Variants in TMEM87A observed in about 807,000 individuals in gnomAD.
TMEM87A encodes the protein Golgi-pH regulating cation channel.
A neutral mutation model predicts 90.0 loss-of-function variants in TMEM87A; 50 were observed. That is an observed-to-expected ratio of 0.56 (90% CI 0.44 to 0.70). The LOEUF (loss-of-function observed/expected upper bound fraction) is 0.70. TMEM87A is among the 30% of genes least tolerant of loss of function. The probability of loss-of-function intolerance (pLI) is 0.00; values close to 1 mark genes in which losing one functional copy is unlikely to be tolerated. For missense variants in TMEM87A, 577 were observed against 660.5 expected (o/e 0.87, Z 1.39); for synonymous variants, 226 against 226.7 (o/e 1.00, Z 0.03).
intron 14 of TMEM87A, chr15:42,227,504 G>C (rs2050615990): frequency 2.1e-6 from 1 of 465,754 alleles, no homozygotes; most frequent in African/African-American, 2.0e-5. Flanking sequence ...GGAGAATACA[G>C]TCAGAAAAAA....
intron 6 of TMEM87A, among the ~76,000 whole-genome samples, chr15:42,254,923 G>A (rs1428088101): frequency 6.6e-6 from 1 of 151,694 alleles, no homozygotes; most frequent in African/African-American, 2.4e-5. Flanking sequence ...CGATGGGGGA[G>A]GCTAAGTGTA....
chr15:42,219,903 A>C (rs2050443919), intron 16 of TMEM87A, among the ~76,000 whole-genome samples, 159 bp downstream of exon 16: 1 of 152,152 alleles, frequency 6.6e-6, no homozygotes, highest in Non-Finnish European at 1.5e-5. Flanking sequence ...TACTTACTGA[A>C]TTTACCATGC....
chr15:42,272,629 A>AG (rs2051562370), intron 1 of TMEM87A: 1 of 274,770 alleles, frequency 3.6e-6, no homozygotes, highest in African/African-American at 2.2e-5. Context: ...AGGGGCAGAA[A>AG]GGGTCAACCC....
chr15:42,218,970 T>A (rs1258984649), intron 17 of TMEM87A: 13 of 152,968 alleles, frequency 8.5e-5, no homozygotes, highest in African/African-American at 3.1e-4. Flanking sequence ...CTATTTTTAA[T>A]TTTGAGGAAG....
intron 7 of TMEM87A, among the ~76,000 whole-genome samples, chr15:42,240,614 T>G (rs1476763562): frequency 6.6e-6 from 1 of 152,196 alleles, no homozygotes; most frequent in Non-Finnish European, 1.5e-5. Context: ...TTTTAAAAAC[T>G]ATTTCAAGAT....
intron 15 of TMEM87A, 52 bp downstream of exon 15, chr15:42,226,754 T>C (rs1293184997): frequency 4.0e-6 from 6 of 1,499,672 alleles, no homozygotes; most frequent in Non-Finnish European, 5.6e-6. Context: ...CCACCCCTAA[T>C]TGATGACATG....
chr15:42,270,146 G>A (rs1251729716), intron 2 of TMEM87A, among the ~76,000 whole-genome samples: 3 of 152,126 alleles, frequency 2.0e-5, no homozygotes, highest in African/African-American at 7.2e-5. Flanking sequence ...AAGGCAGGCA[G>A]ATAACTTGAG....
intron 6 of TMEM87A, among the ~76,000 whole-genome samples, chr15:42,246,698 G>C (rs1346996315): frequency 6.6e-6 from 1 of 152,138 alleles, no homozygotes; most frequent in Non-Finnish European, 1.5e-5. Flanking sequence ...TATCATTGAC[G>C]GACATTTGGG....
chr15:42,245,465 T>A, intron 6 of TMEM87A, among the ~76,000 whole-genome samples: 2 of 152,158 alleles, frequency 1.3e-5, no homozygotes, highest in South Asian at 4.1e-4. Flanking sequence ...ATTCTGACCC[T>A]GTAAAAATAA....
At chr15:42,250,641 C>G (rs540493521) in intron 6 of TMEM87A, among the ~76,000 whole-genome samples, 109 of 152,298 alleles carry the variant, frequency 7.2e-4, no homozygotes, top group Non-Finnish European at 8.1e-4. Context: ...TGTGGGTAAC[C>G]CGACCTTTCT....
intron 13 of TMEM87A, among the ~76,000 whole-genome samples, chr15:42,228,464 G>T (rs2050633700): frequency 6.6e-6 from 1 of 152,178 alleles, no homozygotes; most frequent in Admixed American, 6.5e-5. Flanking sequence ...CCTCAAGAAA[G>T]AATGCAAATA....
chr15:42,218,236 CATGAGT>C, intron 18 of TMEM87A, 81 bp downstream of exon 18: 1 of 1,271,878 alleles, frequency 7.9e-7, no homozygotes, highest in Non-Finnish European at 1.1e-6. Context: ...CTTGTATTTT[CATGAGT>C]ATAACTTGCT....
At position 42,237,599 on chromosome 15, in the gene TMEM87A, C is replaced by T; in HGVS notation, c.701G>A (p.Cys234Tyr). The T allele has an allele frequency of 6.3e-7, 1 of 1,593,794 alleles. No homozygotes were observed. The highest frequency in any genetic ancestry group is 1.7e-4 in the Middle Eastern group (1 of 5,958). ...YPLMIFFMVMCIVYVLFGVLW... is the reference protein window; with the variant it reads ...YPLMIFFMVMYIVYVLFGVLW... ...AACACCAAACAGGACATATACAATACACATCACCATGAAAAACTGTTATCA... is the reference window on the plus strand; with the variant it reads ...AACACCAAACAGGACATATACAATATACATCACCATGAAAAACTGTTATCA... The change falls in exon 9 of 20, where the codon TGT becomes TAT. Residue 234 changes from cysteine to tyrosine, a missense_variant. Transcript: ENST00000389834.
At chr15:42,264,752 T>C (rs2051368553) in intron 3 of TMEM87A, among the ~76,000 whole-genome samples, 1 of 148,894 alleles carries the variant, frequency 6.7e-6, no homozygotes, top group South Asian at 2.1e-4. Context: ...AACTTTGTTA[T>C]ATAGGTAAAC....
chr15:42,273,377 G>T lies in TMEM87A; in HGVS notation c.22C>A (p.Gln8Lys). 1 of 1,614,048 alleles carries T rather than the reference G, an allele frequency of 6.2e-7. No individual in the cohort carries two copies. The highest frequency in any genetic ancestry group is 8.5e-7 in the Non-Finnish European group (1 of 1,180,028). ...AGCAGAAGAATGACAGGCAACACCT[G>T]AAGCCACGCAGCCGCCGCCATCTTC... Reference protein sequence around the residue: MAAAAWLQVLPVILLLLG... With the variant: MAAAAWLKVLPVILLLLG... The change falls in exon 1 of 20, where the codon CAG (glutamine) becomes AAG (lysine). Residue 8 changes from glutamine (Q) to lysine (K), a missense_variant. Physicochemically the swap from Gln to Lys is moderately conservative, Grantham distance 53. Transcript: ENST00000389834.
At chr15:42,218,643 G>T (rs369623641) in intron 17 of TMEM87A, among the ~76,000 whole-genome samples, 1 of 152,136 alleles carries the variant, frequency 6.6e-6, no homozygotes, top group Non-Finnish European at 1.5e-5. Flanking sequence ...TAGATTCGAC[G>T]TAAGTGAGAT....
chr15:42,236,642 C>T (rs1216152905), intron 9 of TMEM87A, among the ~76,000 whole-genome samples: 4 of 152,192 alleles, frequency 2.6e-5, no homozygotes, highest in Non-Finnish European at 5.9e-5. Context: ...ACTCAGCTCC[C>T]TCCCCGACCT....
chr15:42,252,067 A>G (rs2051097234), intron 6 of TMEM87A, among the ~76,000 whole-genome samples: 1 of 152,214 alleles, frequency 6.6e-6, no homozygotes. Flanking sequence ...TGCGGGATAT[A>G]ATCTCCTGGT....
At chr15:42,219,740 C>A (rs1036889056) in intron 16 of TMEM87A, 98 bp from the exon 17 acceptor site, 2 of 801,180 alleles carry the variant, frequency 2.5e-6, no homozygotes, top group African/African-American at 1.8e-5. Context: ...AAATTAAAAG[C>A]CCCAAAGTTA....
Sources: gnomAD v4.1 joint callset for allele counts (sites outside exome capture counted in the v4.1 genomes callset) on GRCh38, gnomAD v4.1.1 for gene constraint, MANE v1.5 for transcripts, NCBI Gene and HGNC (gene_info 2026-07-23, HGNC 2026-07-21) for gene names.